Variants in AGAP1 observed in about 807,000 individuals in gnomAD.
The protein encoded by AGAP1 is ArfGAP with GTPase domain, ankyrin repeat and PH domain 1.
Under a neutral mutation model 105.3 loss-of-function variants are expected in AGAP1, and 29 were observed. The observed-to-expected ratio is 0.28, with a 90% CI of 0.21 to 0.38. The LOEUF (loss-of-function observed/expected upper bound fraction) is 0.38. Ranked by LOEUF, AGAP1 falls within the 10% of genes least tolerant of loss-of-function variation. The pLI, the probability that AGAP1 is intolerant of heterozygous loss-of-function variation, is 1.00. For missense variants in AGAP1, 998 were observed against 1,165.1 expected (o/e 0.86, Z 2.09); for synonymous variants, 509 against 485.9 (o/e 1.05, Z -0.63).
chr2:236,068,045 G>A (rs1022357144), intron 16 of AGAP1, among the ~76,000 whole-genome samples: 1 of 152,194 alleles, frequency 6.6e-6, no homozygotes, highest in South Asian at 2.1e-4. Context: ...GCCAAGGCAG[G>A]CAGATTGCCT....
rs1949791526 is a variant in AGAP1, at chr2:235,692,679, C to A, written c.164-16500C>A. Among the ~76,000 whole-genome samples, 1 of 152,140 alleles carries A rather than the reference C, an allele frequency of 6.6e-6. No homozygotes were observed. Among genetic ancestry groups the A allele is most frequent in the South Asian group, 2.1e-4 (1 of 4,822 alleles). ...CCTCAGGCCCAGCACCTCAGAGAAG[C>A]CGATGACTGACGTGCACCCCGCCAG... On this transcript the variant is annotated intron_variant, in intron 1 of 17. Transcript: ENST00000304032. The surrounding 1 kb of genome is among the most constrained non-coding windows in gnomAD (Gnocchi z 5.8).
intron 9 of AGAP1, among the ~76,000 whole-genome samples, chr2:235,817,128 T>C (rs1008522421): frequency 3.3e-5 from 5 of 152,104 alleles, no homozygotes. Flanking sequence ...GCTGCCAGAA[T>C]TTCATGTTTT....
At chr2:235,846,359 T>G (rs952487275) in intron 9 of AGAP1, among the ~76,000 whole-genome samples, 2 of 152,216 alleles carry the variant, frequency 1.3e-5, no homozygotes, top group Non-Finnish European at 2.9e-5. Flanking sequence ...AATCTCACTC[T>G]GTCACCCAGG....
intron 1 of AGAP1, among the ~76,000 whole-genome samples, chr2:235,590,497 G>A (rs1945289209): frequency 6.6e-6 from 1 of 152,032 alleles, no homozygotes; most frequent in Non-Finnish European, 1.5e-5. Flanking sequence ...ACGGGAGGCT[G>A]GAAACCGTGA....
rs544653955 is a variant in AGAP1, at chr2:235,610,106, T to G, written c.164-99073T>G. Among the ~76,000 whole-genome samples, 1 of 152,308 alleles carries G rather than the reference T, an allele frequency of 6.6e-6. No homozygotes were observed. Among genetic ancestry groups the G allele is most frequent in the Admixed American group, 6.5e-5 (1 of 15,300 alleles). On this transcript the variant is annotated intron_variant, in intron 1 of 17. Transcript: ENST00000304032. The surrounding 1 kb of genome is among the most constrained non-coding windows in gnomAD (Gnocchi z 4.9). ...CACTTTTAGCTCCTAGTCACAGATA[T>G]GGTGACAGGCTTGTCTCCACCATTG... is the stretch of plus-strand genomic sequence containing the variant.
intron 1 of AGAP1, among the ~76,000 whole-genome samples, chr2:235,682,952 G>T (rs562973958): frequency 6.6e-6 from 1 of 152,232 alleles, no homozygotes; most frequent in Non-Finnish European, 1.5e-5. Flanking sequence ...CCCTGCCATG[G>T]TTCTGTGTCT....
rs2059702448 is a variant in AGAP1, at chr2:236,113,585, G to A, written c.2115-6607G>A. Among the ~76,000 whole-genome samples, 1 of 152,208 alleles carries A rather than the reference G, an allele frequency of 6.6e-6. No individual in the cohort carries two copies. Among genetic ancestry groups the A allele is most frequent in the Admixed American group, 6.5e-5 (1 of 15,278 alleles). On this transcript the variant is annotated intron_variant, in intron 16 of 17. Coordinates refer to ENST00000304032, the MANE Select transcript of AGAP1 (RefSeq NM_001037131.3). This position sits in a 1 kb window ranked among gnomAD's most constrained non-coding sequence, Gnocchi z 4.3. ...CCAGCTGAGTCATGCAGTGGATTTGGCATGGCAGGCACTAAGTATGCGGGT... is the reference window on the plus strand; with the variant it reads ...CCAGCTGAGTCATGCAGTGGATTTGACATGGCAGGCACTAAGTATGCGGGT...
intron 6 of AGAP1, among the ~76,000 whole-genome samples, chr2:235,767,504 G>A (rs556655380): frequency 1.1e-4 from 17 of 152,292 alleles, no homozygotes; most frequent in African/African-American, 3.8e-4. Context: ...TTATGCAGTC[G>A]TGTTCAGAGA....
chr2:235,813,704 G>T (rs1036206023), intron 9 of AGAP1, among the ~76,000 whole-genome samples: 1 of 152,232 alleles, frequency 6.6e-6, no homozygotes, highest in Non-Finnish European at 1.5e-5. Context: ...CTGTCCACAG[G>T]CAGCCTGTGA....
intron 1 of AGAP1, among the ~76,000 whole-genome samples, chr2:235,544,865 T>A (rs1943571101): frequency 6.6e-6 from 1 of 152,196 alleles, no homozygotes; most frequent in Non-Finnish European, 1.5e-5. Context: ...TGGGTCACGT[T>A]GCTGTCTTCT....
At position 235,689,055 on chromosome 2, in the gene AGAP1, T is replaced by G. The variant is rs1559354242; in HGVS notation, c.164-20124T>G. On this transcript the variant is annotated intron_variant, in intron 1 of 17. Coordinates refer to ENST00000304032, the MANE Select transcript of AGAP1 (RefSeq NM_001037131.3). This position sits in a 1 kb window ranked among gnomAD's most constrained non-coding sequence, Gnocchi z 4.2. ...TTATTGTCCCATAAATCTATAAGAT[T>G]GATTGATTGGTTATCTGTAGGAGAC... Among the ~76,000 whole-genome samples the G allele has an allele frequency of 2.4e-5, 2 of 81,924 alleles. No individual in the cohort carries two copies. The highest frequency in any genetic ancestry group is 4.4e-5 in the Non-Finnish European group (2 of 45,346). The allele number at this position is 81,924 out of a possible 152,430, so 53.7% of individuals were successfully genotyped here. A position where few individuals can be genotyped will look rare whatever the true frequency, so the allele number is the denominator to read the frequency against.
rs573434775 is a variant in AGAP1, at chr2:235,713,187, C to T, written c.222+3950C>T. On this transcript the variant is annotated intron_variant, in intron 2 of 17. Transcript: ENST00000304032. Reference sequence around the variant, plus strand: ...CATTTTCTTCCTCGAGAAAGAGAAACTGATCTTAATTAAAAATTTAATTCT... The same window carrying T: ...CATTTTCTTCCTCGAGAAAGAGAAATTGATCTTAATTAAAAATTTAATTCT... 5.9e-5 allele frequency among the ~76,000 whole-genome samples: 9 copies of T among 152,332 alleles called. No homozygotes were observed. The East Asian group carries it at 1.7e-3, about 29-fold the overall frequency.
chr2:235,777,453 G>A lies in AGAP1; in HGVS notation c.674-20306G>A, dbSNP rs879919559. Among the ~76,000 whole-genome samples, 7 of 152,234 alleles carry A rather than the reference G, an allele frequency of 4.6e-5. No individual in the cohort carries two copies. Among genetic ancestry groups the A allele is most frequent in the Non-Finnish European group, 8.8e-5 (6 of 68,038 alleles). The stretch of plus-strand genomic sequence containing the variant: ...TACAGGTGTGAAGCGCCCGTGTGGG[G>A]CTGATTCCCACCTGCCTCCTCGTTA... On this transcript the variant is annotated intron_variant, in intron 6 of 17. Transcript: ENST00000304032. This position sits in a 1 kb window ranked among gnomAD's most constrained non-coding sequence, Gnocchi z 5.1.
In AGAP1 at chr2:236,040,526, G is replaced by A. The variant is rs1478388539; in HGVS notation, c.1801-225G>A. ...ATTTCTGGCAGAGTCCGTCTCAGCTGATGAGTTAAAATGTGACATTTCCTC... is the reference window on the plus strand; with the variant it reads ...ATTTCTGGCAGAGTCCGTCTCAGCTAATGAGTTAAAATGTGACATTTCCTC... On this transcript the variant is annotated intron_variant, in intron 14 of 17. Coordinates refer to ENST00000304032, the MANE Select transcript of AGAP1 (RefSeq NM_001037131.3). This position sits in a 1 kb window ranked among gnomAD's most constrained non-coding sequence, Gnocchi z 5.6. The A allele has an allele frequency of 1.8e-6, 1 of 541,982 alleles. No individual in the cohort carries two copies. The highest frequency in any genetic ancestry group is 3.3e-6 in the Non-Finnish European group (1 of 301,058). The allele number at this position is 541,982 out of a possible 1,614,324, so 33.6% of individuals were successfully genotyped here.
chr2:235,827,376 G>C (rs1959129397), intron 9 of AGAP1, among the ~76,000 whole-genome samples: 1 of 152,144 alleles, frequency 6.6e-6, no homozygotes, highest in Non-Finnish European at 1.5e-5. Context: ...GAAGGGCTTG[G>C]AGCAGGAGGT....
rs2149341448 is a variant in AGAP1, at chr2:235,662,338, A to T, written c.164-46841A>T. Reference sequence around the variant, plus strand: ...TCAGTCAGTGTGCAGAGCTGAGCTGATGAGGAAAGTCTTGGTATGTAACCA... The same window carrying T: ...TCAGTCAGTGTGCAGAGCTGAGCTGTTGAGGAAAGTCTTGGTATGTAACCA... On this transcript the variant is annotated intron_variant, in intron 1 of 17. Transcript: ENST00000304032. This position sits in a 1 kb window ranked among gnomAD's most constrained non-coding sequence, Gnocchi z 4.2. Among the ~76,000 whole-genome samples, 1 of 152,262 alleles carries T rather than the reference A, an allele frequency of 6.6e-6. No individual in the cohort carries two copies. The highest frequency in any genetic ancestry group is 2.1e-4 in the South Asian group (1 of 4,826).
Position 236,061,179 on chromosome 2 carries a change from G to C in AGAP1, c.2114+11898G>C, listed in dbSNP as rs1231158499. Among the ~76,000 whole-genome samples, 1 of 152,164 alleles carries C rather than the reference G, an allele frequency of 6.6e-6. No individual in the cohort carries two copies. The highest frequency in any genetic ancestry group is 1.5e-5 in the Non-Finnish European group (1 of 68,034). ...AGATGCCTAATGTCATTACTTTTTAGGGAAATGCAGATCACCCTTGAGCCC... is the reference window on the plus strand; with the variant it reads ...AGATGCCTAATGTCATTACTTTTTACGGAAATGCAGATCACCCTTGAGCCC... On this transcript the variant is annotated intron_variant, in intron 16 of 17. Transcript: ENST00000304032. The surrounding 1 kb of genome is among the most constrained non-coding windows in gnomAD (Gnocchi z 4.1).
chr2:235,884,338 C>T (rs1559605322), intron 10 of AGAP1, among the ~76,000 whole-genome samples: 1 of 151,982 alleles, frequency 6.6e-6, no homozygotes, highest in Admixed American at 6.6e-5. Flanking sequence ...ACTTTTAAGT[C>T]ATCTCTAGAT....
At chr2:235,587,287 T>C (rs376870376) in intron 1 of AGAP1, among the ~76,000 whole-genome samples, 3 of 152,264 alleles carry the variant, frequency 2.0e-5, no homozygotes, top group African/African-American at 7.2e-5. Context: ...CAGATGGAGC[T>C]GCAAACAGCC....
Sources: allele counts gnomAD v4.1 joint callset (sites outside exome capture counted in the v4.1 genomes callset), GRCh38; gene constraint gnomAD v4.1.1; non-coding constraint Gnocchi (gnomAD v3.1); transcripts MANE v1.5; gene names NCBI Gene and HGNC (gene_info 2026-07-23, HGNC 2026-07-21).